DGKB: variants seen among roughly 807,000 people sequenced by gnomAD.
DGKB encodes diacylglycerol kinase beta, also known as 90 kDa diacylglycerol kinase.
Under a neutral mutation model 114.3 loss-of-function variants are expected in DGKB, and 67 were observed. The ratio of observed to expected loss-of-function variants is 0.59; its 90% confidence interval spans 0.48 to 0.72. The LOEUF (loss-of-function observed/expected upper bound fraction) is 0.72, where lower values mean the gene tolerates loss of function less well. Ranked by LOEUF, DGKB falls within the 30% of genes least tolerant of loss-of-function variation. The pLI is 0.00. For missense variants in DGKB, 907 were observed against 975.2 expected (o/e 0.93, Z 0.93); for synonymous variants, 398 against 323.1 (o/e 1.23, Z -2.49).
intron 21 of DGKB, among the ~76,000 whole-genome samples, chr7:14,461,868 C>G (rs144448855): frequency 2.5e-3 from 382 of 152,264 alleles, no homozygotes; most frequent in African/African-American, 8.6e-3. Flanking sequence ...AAAATACTGG[C>G]AAAGCAAATC....
chr7:14,488,996 T>C (rs1784239149), intron 20 of DGKB, among the ~76,000 whole-genome samples: 2 of 151,970 alleles, frequency 1.3e-5, no homozygotes, highest in South Asian at 4.1e-4. Flanking sequence ...TAATCCAACA[T>C]GTCACTGAAG....
At chr7:14,278,296 T>C (rs1317206104) in intron 23 of DGKB, among the ~76,000 whole-genome samples, 3 of 151,748 alleles carry the variant, frequency 2.0e-5, no homozygotes, top group African/African-American at 7.3e-5. Flanking sequence ...AAAACAGGCA[T>C]ACAGACCAAT....
chr7:14,151,632 T>C (rs1448574472), intron 25 of DGKB, among the ~76,000 whole-genome samples: 1 of 152,134 alleles, frequency 6.6e-6, no homozygotes, highest in Admixed American at 6.6e-5. Context: ...AAAAATTATA[T>C]GTAACCTGTC....
intron 20 of DGKB, among the ~76,000 whole-genome samples, chr7:14,500,296 G>A (rs886165890): frequency 6.6e-6 from 1 of 151,490 alleles, no homozygotes; most frequent in Non-Finnish European, 1.5e-5. Context: ...AAAGAACAAA[G>A]TGTTTTCAAA....
intron 23 of DGKB, among the ~76,000 whole-genome samples, chr7:14,180,303 CCTAA>C (rs1169954872): frequency 6.6e-6 from 1 of 152,082 alleles, no homozygotes; most frequent in Non-Finnish European, 1.5e-5. Flanking sequence ...ATCTGTGAGC[CCTAA>C]CTTTTTCATG....
chr7:14,604,059 T>C (rs76983319), intron 17 of DGKB, among the ~76,000 whole-genome samples: 4,125 of 152,226 alleles, frequency 0.027, 176 homozygotes, highest in African/African-American at 0.094. Flanking sequence ...ATTTATATTT[T>C]ATATTTCATC....
At chr7:14,589,342 G>T (rs1424821572) in intron 17 of DGKB, among the ~76,000 whole-genome samples, 1 of 151,848 alleles carries the variant, frequency 6.6e-6, no homozygotes, top group African/African-American at 2.4e-5. Flanking sequence ...ACTAGCAATG[G>T]TATTATTAGT....
chr7:14,232,408 TTAAAG>T (rs1189518053), intron 23 of DGKB, among the ~76,000 whole-genome samples: 1 of 150,958 alleles, frequency 6.6e-6, no homozygotes, highest in Admixed American at 6.6e-5. Flanking sequence ...TCTTCAGGGG[TTAAAG>T]GTTGGCTTAT....
chr7:14,493,273 A>G (rs1784837825), intron 20 of DGKB, among the ~76,000 whole-genome samples: 1 of 152,082 alleles, frequency 6.6e-6, no homozygotes, highest in African/African-American at 2.4e-5. Flanking sequence ...TAAGACTCTC[A>G]GTAGATGCCT....
chr7:14,398,833 T>C (rs567835429), intron 21 of DGKB, among the ~76,000 whole-genome samples: 2 of 151,794 alleles, frequency 1.3e-5, no homozygotes, highest in East Asian at 1.9e-4. Flanking sequence ...AGGCAAGATA[T>C]TGACTTGCAG....
chr7:14,824,629 A>AT (rs1472144657), intron 2 of DGKB, among the ~76,000 whole-genome samples: 4 of 152,078 alleles, frequency 2.6e-5, no homozygotes, highest in African/African-American at 9.7e-5. Flanking sequence ...ATTGGTAAAG[A>AT]TTTGCTTTGT....
At chr7:14,633,109 A>G (rs916681178) in intron 13 of DGKB, among the ~76,000 whole-genome samples, 1 of 151,964 alleles carries the variant, frequency 6.6e-6, no homozygotes, top group African/African-American at 2.4e-5. Context: ...CATGGATAAC[A>G]TACTTGAAGT....
intron 1 of DGKB, among the ~76,000 whole-genome samples, chr7:14,917,002 AT>A (rs920076491): frequency 6.6e-6 from 1 of 152,128 alleles, no homozygotes; most frequent in African/African-American, 2.4e-5. Context: ...ATAATAAAAT[AT>A]TTAGAAATTA....
chr7:14,888,943 C>T (rs1322378628), intron 1 of DGKB, among the ~76,000 whole-genome samples: 1 of 151,562 alleles, frequency 6.6e-6, no homozygotes, highest in Non-Finnish European at 1.5e-5. Context: ...TAGCTTGCAT[C>T]TGGGTGTTTG....
rs62443274 is a variant in DGKB at position 14,430,003 on chromosome 7, C to A, written c.1835+48158G>T. Among the ~76,000 whole-genome samples, 786 of 152,244 alleles carry A rather than the reference C, an allele frequency of 5.2e-3. 5 individuals carry two copies. Among genetic ancestry groups the A allele is most frequent in the Middle Eastern group, 0.017 (5 of 294 alleles). On this transcript the variant is annotated intron_variant, in intron 21 of 25. Coordinates refer to ENST00000402815, the MANE Select transcript of DGKB (RefSeq NM_001350709.2). ...CTAGTCTTAGCAAGTATTGGTGTGG[C>A]TTCACTTGGGAAATGATTGCTTTTT... is the stretch of plus-strand genomic sequence containing the variant.
chr7:14,233,959 T>G (rs1020218223), intron 23 of DGKB, among the ~76,000 whole-genome samples: 5 of 151,960 alleles, frequency 3.3e-5, no homozygotes, highest in African/African-American at 1.2e-4. Flanking sequence ...ACCCTAAAGC[T>G]CAGAGTGAGA....
At chr7:14,836,783 G>C (rs1028275500) in intron 2 of DGKB, among the ~76,000 whole-genome samples, 1 of 152,218 alleles carries the variant, frequency 6.6e-6, no homozygotes, top group Non-Finnish European at 1.5e-5. Context: ...AGCAGGCTCC[G>C]TATCAGCTGC....
intron 9 of DGKB, among the ~76,000 whole-genome samples, chr7:14,693,446 G>C (rs1823245123): frequency 6.6e-6 from 1 of 151,718 alleles, no homozygotes; most frequent in African/African-American, 2.4e-5. Flanking sequence ...CCTTCACAAT[G>C]GTATTTAATT....
At chr7:14,151,912 C>T (rs975660460) in intron 25 of DGKB, among the ~76,000 whole-genome samples, 62 of 151,954 alleles carry the variant, frequency 4.1e-4, no homozygotes, top group African/African-American at 1.1e-3. Flanking sequence ...CAAAATCCTA[C>T]GAGAGTAATT....
Sources: allele counts gnomAD v4.1 joint callset (sites outside exome capture counted in the v4.1 genomes callset), GRCh38; gene constraint gnomAD v4.1.1; transcripts MANE v1.5; gene names NCBI Gene and HGNC (gene_info 2026-07-23, HGNC 2026-07-21).